Variants in SNX7 observed in about 807,000 individuals in gnomAD.
The protein encoded by SNX7 is sorting nexin 7.
In SNX7, 35 loss-of-function variants were observed where a neutral mutation model predicts 48.4. The ratio of observed to expected loss-of-function variants is 0.72; its 90% confidence interval spans 0.55 to 0.96. SNX7 has a LOEUF of 0.96. Among genes scored for constraint, SNX7 ranks in the 40% least tolerant of loss-of-function variants. The probability of loss-of-function intolerance (pLI) is 0.00; values close to 1 mark genes in which losing one functional copy is unlikely to be tolerated. For missense variants in SNX7, 553 were observed against 548.9 expected (o/e 1.01, Z -0.07); for synonymous variants, 190 against 190.2 (o/e 1.00, Z 0.01).
chr1:98,699,727 G>T (rs1031461275), intron 6 of SNX7, among the ~76,000 whole-genome samples: 1 of 151,950 alleles, frequency 6.6e-6, no homozygotes, highest in African/African-American at 2.4e-5. Flanking sequence ...CCTTGTTTTG[G>T]TCTGAAAAGC....
At chr1:98,730,905 C>G (rs1294634376) in intron 7 of SNX7, among the ~76,000 whole-genome samples, 2 of 152,070 alleles carry the variant, frequency 1.3e-5, no homozygotes, top group Non-Finnish European at 2.9e-5. Context: ...AACACAGGAA[C>G]AGAAAACCAA....
chr1:98,739,835 G>T (rs1271211720), intron 8 of SNX7, among the ~76,000 whole-genome samples: 1 of 152,184 alleles, frequency 6.6e-6, no homozygotes, highest in Non-Finnish European at 1.5e-5. Context: ...AGGCTGAAGA[G>T]TGCATTATAA....
chr1:98,687,475 T>C, intron 2 of SNX7, among the ~76,000 whole-genome samples: 1 of 152,066 alleles, frequency 6.6e-6, no homozygotes, highest in East Asian at 1.9e-4. Flanking sequence ...GTAGATCATG[T>C]TATCAAATAG....
intron 7 of SNX7, among the ~76,000 whole-genome samples, chr1:98,710,525 C>T (rs1330042794): frequency 6.6e-6 from 1 of 151,954 alleles, no homozygotes; most frequent in African/African-American, 2.4e-5. Flanking sequence ...GTCATTTCTT[C>T]TCAGGGTTTT....
intron 8 of SNX7, among the ~76,000 whole-genome samples, chr1:98,752,713 C>A (rs773622008): frequency 6.6e-6 from 1 of 151,980 alleles, no homozygotes; most frequent in Non-Finnish European, 1.5e-5. Flanking sequence ...TGAGCACTTA[C>A]CATATTCCTG....
At chr1:98,693,364 A>G (rs1433702268) in intron 4 of SNX7, among the ~76,000 whole-genome samples, 3 of 152,212 alleles carry the variant, frequency 2.0e-5, no homozygotes, top group Non-Finnish European at 2.9e-5. Flanking sequence ...CAAAGGGTCA[A>G]TATTAAACAG....
chr1:98,720,053 A>G (rs1265471331), intron 7 of SNX7, among the ~76,000 whole-genome samples: 1 of 151,608 alleles, frequency 6.6e-6, no homozygotes, highest in Non-Finnish European at 1.5e-5. Context: ...TCGTTTTCAT[A>G]TGCAACGATG....
At chr1:98,662,987 A>G (rs1649330858) in intron 1 of SNX7, among the ~76,000 whole-genome samples, 1 of 152,218 alleles carries the variant, frequency 6.6e-6, no homozygotes, top group Non-Finnish European at 1.5e-5. Flanking sequence ...TAAACAGACT[A>G]TCACAGTTTT....
intron 8 of SNX7, among the ~76,000 whole-genome samples, chr1:98,748,646 AC>A (rs1654427061): frequency 6.6e-6 from 1 of 151,154 alleles, no homozygotes; most frequent in Non-Finnish European, 1.5e-5. Context: ...AAACACACAC[AC>A]ACACACACAC....
chr1:98,684,871 G>T lies in SNX7; in HGVS notation c.181-14G>T. On this transcript the variant is annotated splice_polypyrimidine_tract_variant and intron_variant, in intron 1 of 8. Coordinates refer to ENST00000306121, the MANE Select transcript of SNX7 (RefSeq NM_015976.5). Reference sequence around the variant, plus strand: ...TTTCTATTGATACTAATTTTTGAATGTTTTATTTCTTAGGATGCCTCATTG... The same window carrying T: ...TTTCTATTGATACTAATTTTTGAATTTTTTATTTCTTAGGATGCCTCATTG... The T allele has an allele frequency of 6.8e-7, 1 of 1,465,376 alleles. No homozygotes were observed. Among genetic ancestry groups the T allele is most frequent in the African/African-American group, 1.4e-5 (1 of 70,850 alleles). 90.8% of individuals were successfully genotyped at this position (1,465,376 alleles called of 1,614,324 possible).
intron 1 of SNX7, among the ~76,000 whole-genome samples, chr1:98,681,663 G>A (rs28396821): frequency 0.16 from 24,254 of 152,050 alleles, 2,102 homozygotes; most frequent in Middle Eastern, 0.21. Flanking sequence ...AAATGGTTCC[G>A]GATTGAAGGG....
intron 8 of SNX7, among the ~76,000 whole-genome samples, chr1:98,754,371 A>G (rs1654742518): frequency 6.6e-6 from 1 of 152,052 alleles, no homozygotes; most frequent in South Asian, 2.1e-4. Flanking sequence ...CAGCATCCCC[A>G]TGTCTTCAAT....
chr1:98,684,941 A>G lies in SNX7; in HGVS notation c.237A>G (p.Leu79=). The change falls in exon 2 of 9, where the codon TTA becomes TTG. Residue 79 remains leucine (L), a synonymous_variant. Transcript: ENST00000306121. ...GCCCTATGATGCCAACATCCCCTTT[A>G]TCAATGATAAACCAAATCAAGTTTG... The part of the protein sequence containing the change: ...SFSPMMPTSP[L]SMINQIKFED... 6.3e-7 allele frequency: 1 copy of G among 1,597,342 alleles called. No homozygotes were observed. The highest frequency in any genetic ancestry group is 8.5e-7 in the Non-Finnish European group (1 of 1,170,706).
At chr1:98,757,382 C>G (rs1238031587) in intron 8 of SNX7, among the ~76,000 whole-genome samples, 1 of 151,938 alleles carries the variant, frequency 6.6e-6, no homozygotes, top group Non-Finnish European at 1.5e-5. Context: ...AGGCCCCTCT[C>G]CTTGGCTTGC....
upstream of SNX7, among the ~76,000 whole-genome samples, chr1:98,661,384 C>A (rs1296411846): frequency 6.6e-6 from 1 of 152,044 alleles, no homozygotes. Flanking sequence ...TCTTCCCAGA[C>A]CCCGCCACTG....
chr1:98,692,549 T>TA (rs1557801171), intron 4 of SNX7, among the ~76,000 whole-genome samples: 1 of 151,820 alleles, frequency 6.6e-6, no homozygotes, highest in African/African-American at 2.4e-5. Flanking sequence ...CTAAACACAA[T>TA]AAAAAAAATA....
chr1:98,673,998 G>T (rs1379506974), intron 1 of SNX7, among the ~76,000 whole-genome samples: 2 of 152,102 alleles, frequency 1.3e-5, no homozygotes, highest in East Asian at 3.9e-4. Context: ...AAATATACTG[G>T]TTTCTATCTT....
intron 4 of SNX7, among the ~76,000 whole-genome samples, chr1:98,694,287 A>G (rs901158575): frequency 2.6e-4 from 39 of 151,012 alleles, no homozygotes; most frequent in Admixed American, 1.8e-3. Context: ...GGAGAATGGC[A>G]TGAACCCGGG....
At chr1:98,673,739 G>T (rs1650005298) in intron 1 of SNX7, among the ~76,000 whole-genome samples, 1 of 152,196 alleles carries the variant, frequency 6.6e-6, no homozygotes, top group East Asian at 1.9e-4. Flanking sequence ...GTGATTTGGG[G>T]AGAATGCTTA....
Sources: allele counts gnomAD v4.1 joint callset (sites outside exome capture counted in the v4.1 genomes callset), GRCh38; gene constraint gnomAD v4.1.1; transcripts MANE v1.5; gene names NCBI Gene and HGNC (gene_info 2026-07-23, HGNC 2026-07-21).